SGCG: variants seen among roughly 807,000 people sequenced by gnomAD.
SGCG encodes the protein gamma-sarcoglycan.
SGCG carries 26 observed loss-of-function variants against 29.3 expected under a neutral mutation model. The observed-to-expected ratio is 0.89, with a 90% CI of 0.65 to 1.23. The LOEUF is 1.23. SGCG is among the 50% of genes most tolerant of loss of function. The probability of loss-of-function intolerance (pLI) is 0.00; values close to 1 mark genes in which losing one functional copy is unlikely to be tolerated. For missense variants in SGCG, 353 were observed against 356.0 expected (o/e 0.99, Z 0.07); for synonymous variants, 145 against 129.7 (o/e 1.12, Z -0.80).
intron 5 of SGCG, among the ~76,000 whole-genome samples, chr13:23,291,345 C>T (rs74872460): frequency 1.1e-5 from 1 of 90,420 alleles, no homozygotes; most frequent in East Asian, 4.6e-4. Context: ...TCATTTTCCA[C>T]AAAGAAGAGG....
At position 23,292,362 on chromosome 13, in the gene SGCG, G is replaced by A. The variant is rs150766560; in HGVS notation, c.506-3053G>A. Among the ~76,000 whole-genome samples, 947 of 152,236 alleles carry A rather than the reference G, an allele frequency of 6.2e-3. 9 individuals are homozygous for A. The highest frequency in any genetic ancestry group is 0.022 in the African/African-American group (916 of 41,536). Reference sequence around the variant, plus strand: ...TGGCCTCAAGTGATCTGCCTGCCTTGGCCTCCCAAAGTGCTGGGATTACCG... The same window carrying A: ...TGGCCTCAAGTGATCTGCCTGCCTTAGCCTCCCAAAGTGCTGGGATTACCG... On this transcript the variant is annotated intron_variant, in intron 5 of 7. Coordinates refer to ENST00000218867, the MANE Select transcript of SGCG (RefSeq NM_000231.3).
chr13:23,295,580 G>GT, intron 6 of SGCG, 93 bp downstream of exon 6: 1 of 873,240 alleles, frequency 1.1e-6, no homozygotes, highest in Non-Finnish European at 2.0e-6. Context: ...CTTCCTGACT[G>GT]TTTCTTATTT....
At chr13:23,314,837 C>A (rs980073139) in intron 6 of SGCG, among the ~76,000 whole-genome samples, 1 of 152,154 alleles carries the variant, frequency 6.6e-6, no homozygotes, top group Non-Finnish European at 1.5e-5. Context: ...CACCTGCAAC[C>A]AAGAAAACGG....
chr13:23,269,884 T>G (rs1211783590), intron 4 of SGCG, among the ~76,000 whole-genome samples: 2 of 58,300 alleles, frequency 3.4e-5, no homozygotes, highest in Admixed American at 1.6e-4. Context: ...GTTTTTTTTG[T>G]TTTTTTTTGA....
intron 5 of SGCG, among the ~76,000 whole-genome samples, chr13:23,293,301 T>G (rs1336868063): frequency 6.6e-6 from 1 of 152,346 alleles, no homozygotes. Context: ...TTGATTATAG[T>G]TTTTATGTAA....
At chr13:23,310,819 A>T (rs1882569569) in intron 6 of SGCG, among the ~76,000 whole-genome samples, 1 of 152,186 alleles carries the variant, frequency 6.6e-6, no homozygotes, top group Non-Finnish European at 1.5e-5. Flanking sequence ...TTGTCAACCA[A>T]GTCTACATCA....
At chr13:23,183,510 A>G (rs1194352013) in intron 1 of SGCG, among the ~76,000 whole-genome samples, 1 of 151,942 alleles carries the variant, frequency 6.6e-6, no homozygotes, top group Non-Finnish European at 1.5e-5. Context: ...CCAGGATACA[A>G]ATAGCCCTCC....
chr13:23,265,603 A>G (rs1312461817), intron 4 of SGCG, among the ~76,000 whole-genome samples: 1 of 152,058 alleles, frequency 6.6e-6, no homozygotes, highest in Non-Finnish European at 1.5e-5. Flanking sequence ...TAAAATAAGT[A>G]GGCAAAAGAC....
chr13:23,314,466 A>C (rs563733417), intron 6 of SGCG, among the ~76,000 whole-genome samples: 1 of 145,062 alleles, frequency 6.9e-6, no homozygotes, highest in African/African-American at 2.5e-5. Flanking sequence ...GTATATATAT[A>C]TAAGATATAT....
intron 6 of SGCG, among the ~76,000 whole-genome samples, chr13:23,306,223 T>C (rs1428545651): frequency 2.0e-5 from 3 of 152,184 alleles, no homozygotes; most frequent in Non-Finnish European, 4.4e-5. Flanking sequence ...TTAGGAAGTT[T>C]TTCCTCATTT....
At chr13:23,173,688 T>C in the SGCG span, among the ~76,000 whole-genome samples, 6 of 152,248 alleles carry the variant, frequency 3.9e-5, no homozygotes, top group African/African-American at 1.4e-4. Context: ...ATTCATGTAA[T>C]ATAACTTTAG....
intron 4 of SGCG, among the ~76,000 whole-genome samples, chr13:23,251,036 G>A (rs1281260654): frequency 1.3e-5 from 2 of 152,164 alleles, no homozygotes; most frequent in Non-Finnish European, 2.9e-5. Context: ...CAAGTAGCTG[G>A]CCTCAAAGAG....
At chr13:23,190,769 AAGAAG>A (rs1024531326) in intron 1 of SGCG, among the ~76,000 whole-genome samples, 1 of 151,684 alleles carries the variant, frequency 6.6e-6, no homozygotes, top group African/African-American at 2.4e-5. Flanking sequence ...GATAAACCTT[AAGAAG>A]TCAGATTCAC....
At chr13:23,300,529 G>A (rs1018262824) in intron 6 of SGCG, among the ~76,000 whole-genome samples, 1 of 152,046 alleles carries the variant, frequency 6.6e-6, no homozygotes, top group Non-Finnish European at 1.5e-5. Flanking sequence ...TCAGCCCAAC[G>A]ATGTCACAAG....
At chr13:23,304,503 C>T (rs1373657161) in intron 6 of SGCG, among the ~76,000 whole-genome samples, 3 of 152,068 alleles carry the variant, frequency 2.0e-5, no homozygotes, top group Non-Finnish European at 4.4e-5. Flanking sequence ...CCAAATGTCT[C>T]TATACACTTG....
chr13:23,212,896 C>A (rs747071866), intron 2 of SGCG, among the ~76,000 whole-genome samples: 2 of 152,064 alleles, frequency 1.3e-5, no homozygotes, highest in Non-Finnish European at 2.9e-5. Flanking sequence ...TAGCAGGAGT[C>A]CTTGACTCGG....
At chr13:23,221,890 A>G (rs909079032) in intron 2 of SGCG, among the ~76,000 whole-genome samples, 11 of 152,228 alleles carry the variant, frequency 7.2e-5, no homozygotes, top group African/African-American at 2.7e-4. Context: ...GTACCCATTC[A>G]TATATTATCC....
At chr13:23,233,646 T>G (rs1283458085) in intron 2 of SGCG, among the ~76,000 whole-genome samples, 1 of 152,122 alleles carries the variant, frequency 6.6e-6, no homozygotes. Context: ...ATAGCACAGA[T>G]CTGTACTCTT....
intron 7 of SGCG, among the ~76,000 whole-genome samples, chr13:23,320,989 C>G (rs1883015226): frequency 6.6e-6 from 1 of 151,952 alleles, no homozygotes; most frequent in Non-Finnish European, 1.5e-5. Flanking sequence ...CTTTAACTGG[C>G]ATTTATGCTA....
Sources: gnomAD v4.1 joint callset for allele counts (sites outside exome capture counted in the v4.1 genomes callset) on GRCh38, gnomAD v4.1.1 for gene constraint, MANE v1.5 for transcripts, NCBI Gene and HGNC (gene_info 2026-07-23, HGNC 2026-07-21) for gene names.